The following PCSK6 variants were observed in gnomAD, a reference collection of about 807,000 sequenced individuals.
PCSK6 encodes the protein proprotein convertase subtilisin/kexin type 6, also known as paired basic amino acid cleaving enzyme 4.
PCSK6 carries 85 observed loss-of-function variants against 123.3 expected under a neutral mutation model. The observed-to-expected ratio is 0.69, with a 90% CI of 0.58 to 0.83. The LOEUF (loss-of-function observed/expected upper bound fraction) is 0.83, where lower values mean the gene tolerates loss of function less well. Among genes scored for constraint, PCSK6 ranks in the 40% least tolerant of loss-of-function variants. The probability of loss-of-function intolerance (pLI) is 0.00; values close to 1 mark genes in which losing one functional copy is unlikely to be tolerated. For missense variants in PCSK6, 1,191 were observed against 1,282.3 expected (o/e 0.93, Z 1.09); for synonymous variants, 508 against 516.0 (o/e 0.98, Z 0.21).
intron 7 of PCSK6, among the ~76,000 whole-genome samples, chr15:101,397,434 G>A (rs2042445446): frequency 6.6e-6 from 1 of 152,126 alleles, no homozygotes; most frequent in Admixed American, 6.5e-5. Flanking sequence ...ATAATACGAT[G>A]AGAACTGTAA....
At chr15:101,487,811 C>T (rs1411466519) in intron 1 of PCSK6, among the ~76,000 whole-genome samples, 2 of 152,058 alleles carry the variant, frequency 1.3e-5, no homozygotes, top group African/African-American at 2.4e-5. Context: ...CAGAGACAAA[C>T]GAAGTCAGTG....
intron 1 of PCSK6, among the ~76,000 whole-genome samples, chr15:101,446,147 G>C (rs1321761670): frequency 6.6e-6 from 1 of 152,266 alleles, no homozygotes; most frequent in African/African-American, 2.4e-5. Flanking sequence ...CCTAGCATGA[G>C]AGCTGGGGGG....
intron 1 of PCSK6, among the ~76,000 whole-genome samples, chr15:101,474,997 A>C (rs1465051575): frequency 6.6e-6 from 1 of 151,470 alleles, no homozygotes; most frequent in African/African-American, 2.4e-5. Flanking sequence ...GCCCAAACAC[A>C]CCCCCACTTC....
intron 15 of PCSK6, among the ~76,000 whole-genome samples, chr15:101,330,467 C>T (rs73489253): frequency 0.017 from 2,640 of 152,322 alleles, 101 homozygotes; most frequent in African/African-American, 0.06. Context: ...TAACGTGGCT[C>T]GTCCTCCTCC....
chr15:101,324,984 C>T lies in PCSK6; in HGVS notation c.2243G>A (p.Arg748Gln), dbSNP rs763843083. Residue 748 changes from arginine to glutamine, a missense_variant, in exon 17 of 22, where the codon CGG becomes CAG. By Grantham distance (43) the Arg-to-Gln change is conservative (BLOSUM62 1). Around this residue, in one of 3 missense-constraint regions of PCSK6, gnomAD observed 630 missense variants for 631.4 expected, o/e 1.00. Transcript: ENST00000611716. ...FGDTAARRCR[R>Q]CHKGCETCSS... ...GCAGGTCTCACACCCCTTGTGGCAC[C>T]GGCGACAGCGTCTTGCTGCTGTGTC... 1.3e-5 allele frequency: 21 copies of T among 1,612,754 alleles called. No homozygotes were observed. Among genetic ancestry groups the T allele is most frequent in the African/African-American group, 1.3e-5 (1 of 74,936 alleles).
chr15:101,319,142 G>A (rs2040059585), intron 18 of PCSK6, among the ~76,000 whole-genome samples: 1 of 152,178 alleles, frequency 6.6e-6, no homozygotes, highest in Non-Finnish European at 1.5e-5. Flanking sequence ...CCTGTTAATT[G>A]GTTTCTACAT....
chr15:101,457,535 G>C (rs976604396), intron 1 of PCSK6, among the ~76,000 whole-genome samples: 2 of 152,250 alleles, frequency 1.3e-5, no homozygotes, highest in Non-Finnish European at 2.9e-5. Context: ...CCTTTGTGGG[G>C]GGAAGTGCAT....
At chr15:101,396,288 G>T (rs913572265) in intron 7 of PCSK6, among the ~76,000 whole-genome samples, 1 of 152,086 alleles carries the variant, frequency 6.6e-6, no homozygotes, top group African/African-American at 2.4e-5. Flanking sequence ...CGAATGCAAA[G>T]ATCCCTCTCT....
chr15:101,322,187 T>C (rs1483104978), intron 18 of PCSK6, among the ~76,000 whole-genome samples: 1 of 151,974 alleles, frequency 6.6e-6, no homozygotes, highest in African/African-American at 2.4e-5. Context: ...CTACAGCCCA[T>C]CCCCGGCCCA....
chr15:101,456,633 C>CA (rs576143148), intron 1 of PCSK6, among the ~76,000 whole-genome samples: 237 of 152,304 alleles, frequency 1.6e-3, no homozygotes, highest in African/African-American at 5.5e-3. Flanking sequence ...ACCGGGCTCT[C>CA]AGAGGGCATA....
At chr15:101,483,596 C>T (rs952910459) in intron 1 of PCSK6, among the ~76,000 whole-genome samples, 22 of 152,330 alleles carry the variant, frequency 1.4e-4, no homozygotes, top group Middle Eastern at 3.4e-3. Context: ...GAGCAGCAGA[C>T]GCTGAGCTGT....
chr15:101,396,787 A>G (rs911634585), intron 7 of PCSK6, among the ~76,000 whole-genome samples: 2 of 152,092 alleles, frequency 1.3e-5, no homozygotes, highest in African/African-American at 4.8e-5. Context: ...GAAGCTGTCC[A>G]GTGTCCCAAG....
chr15:101,346,705 T>C, intron 13 of PCSK6: 1 of 1,179,110 alleles, frequency 8.5e-7, no homozygotes, highest in East Asian at 3.2e-5. Flanking sequence ...TCAAGAGAGC[T>C]CTCCCTCTTC....
chr15:101,474,876 GT>G (rs2057692616), intron 1 of PCSK6, among the ~76,000 whole-genome samples: 1 of 152,130 alleles, frequency 6.6e-6, no homozygotes, highest in Admixed American at 6.5e-5. Flanking sequence ...TGGTTCCCTT[GT>G]CCCCATGCAC....
intron 17 of PCSK6, 35 bp from the exon 18 acceptor site, chr15:101,322,642 G>A (rs764458363): frequency 7.6e-7 from 1 of 1,310,734 alleles, no homozygotes; most frequent in Admixed American, 1.7e-5. Context: ...AAAGAGAAGG[G>A]ACGACACTGA....
At chr15:101,331,267 C>T (rs1180433972) in intron 15 of PCSK6, among the ~76,000 whole-genome samples, 1 of 152,242 alleles carries the variant, frequency 6.6e-6, no homozygotes, top group African/African-American at 2.4e-5. Flanking sequence ...TTTTTAGATG[C>T]TGTAAGATTT....
chr15:101,333,466 C>T (rs942328172), intron 13 of PCSK6, among the ~76,000 whole-genome samples: 1 of 152,234 alleles, frequency 6.6e-6, no homozygotes, highest in African/African-American at 2.4e-5. Context: ...ATCCCTGCTT[C>T]CTCTTCCTTT....
At position 101,489,583 on chromosome 15, in the gene PCSK6, C is replaced by T. The variant is rs866914853; in HGVS notation, c.88G>A (p.Ala30Thr). 1.7e-3 allele frequency: 1,700 copies of T among 975,598 alleles called. 30 individuals carry two copies. The African/African-American group carries it at 0.029, about 17-fold the overall frequency. 60.4% of individuals were successfully genotyped at this position (975,598 alleles called of 1,614,324 possible). The change falls in exon 1 of 22, where the codon GCG becomes ACG. Residue 30 changes from alanine to threonine, a missense_variant. By Grantham distance (58) the Ala-to-Thr change is moderately conservative. Transcript: ENST00000611716. ...ATDTAAGAGG[A>T]GGAGGAGGPG... is the part of the protein sequence containing the mutation. ...CCGCCGGCGCCCCCCGCGCCCCCCG[C>T]GCCCCCCGCGCCCGCGGCGGTGTCG...
At chr15:101,366,422 T>A (rs2041393642) in intron 12 of PCSK6, 90 bp from the exon 13 acceptor site, 1 of 1,376,198 alleles carries the variant, frequency 7.3e-7, no homozygotes, top group Non-Finnish European at 9.9e-7. Context: ...CTCGGGGGAC[T>A]GTATGACCTG....
Sources: gnomAD v4.1 joint callset for allele counts (sites outside exome capture counted in the v4.1 genomes callset) on GRCh38, gnomAD v4.1.1 for gene constraint, gnomAD v4.1.1 regional missense constraint, MANE v1.5 for transcripts, NCBI Gene and HGNC (gene_info 2026-07-23, HGNC 2026-07-21) for gene names.